Variants in HS3ST4 observed in about 807,000 individuals in gnomAD.
HS3ST4 encodes the protein heparan sulfate glucosamine 3-O-sulfotransferase 4.
In HS3ST4, 17 loss-of-function variants were observed where a neutral mutation model predicts 29.2. That is an observed-to-expected ratio of 0.58 (90% confidence interval 0.40 to 0.87). The LOEUF is 0.87. Ranked by LOEUF, HS3ST4 falls within the 40% of genes least tolerant of loss-of-function variation. The probability of loss-of-function intolerance (pLI) is 0.00; values close to 1 mark genes in which losing one functional copy is unlikely to be tolerated. For synonymous variants in HS3ST4, 314 were observed against 285.7 expected, an observed-to-expected ratio of 1.10 and a Z score of -1.00; for missense variants, 627 against 634.5, an observed-to-expected ratio of 0.99 and a Z score of 0.13.
At chr16:26,109,647 A>AGT (rs1391040481) in intron 1 of HS3ST4, among the ~76,000 whole-genome samples, 3 of 151,716 alleles carry the variant, frequency 2.0e-5, no homozygotes, top group Non-Finnish European at 4.4e-5. Flanking sequence ...TATACACTGC[A>AGT]GTGTACACGG....
At chr16:25,755,762 T>A (rs956756628) in intron 1 of HS3ST4, among the ~76,000 whole-genome samples, 1 of 152,216 alleles carries the variant, frequency 6.6e-6, no homozygotes, top group East Asian at 1.9e-4. Context: ...GGGCTGGCCA[T>A]CAAAGCAAAA....
At chr16:26,018,303 A>G (rs188649963) in intron 1 of HS3ST4, among the ~76,000 whole-genome samples, 1 of 152,208 alleles carries the variant, frequency 6.6e-6, no homozygotes, top group Non-Finnish European at 1.5e-5. Context: ...ACCAGGGTTT[A>G]TATCTTGTCA....
At chr16:26,002,673 GA>G (rs963003604) in intron 1 of HS3ST4, among the ~76,000 whole-genome samples, 3 of 120,456 alleles carry the variant, frequency 2.5e-5, no homozygotes, top group African/African-American at 9.4e-5. Flanking sequence ...GAGGGAAAGA[GA>G]AAGAGATAGA....
At chr16:25,969,141 A>G (rs1273018985) in intron 1 of HS3ST4, among the ~76,000 whole-genome samples, 1 of 152,198 alleles carries the variant, frequency 6.6e-6, no homozygotes, top group East Asian at 1.9e-4. Flanking sequence ...AATTGTCACT[A>G]CTAGTGATAG....
intron 1 of HS3ST4, among the ~76,000 whole-genome samples, chr16:26,040,332 T>C (rs962660677): frequency 4.0e-5 from 6 of 151,348 alleles, no homozygotes; most frequent in African/African-American, 1.5e-4. Context: ...GTTTCACTCT[T>C]GTCTCTTGTT....
chr16:25,854,705 T>A (rs8059143), intron 1 of HS3ST4, among the ~76,000 whole-genome samples: 94,188 of 151,400 alleles, frequency 0.62, 30,000 homozygotes, highest in African/African-American at 0.76. Flanking sequence ...AAGAGACTAC[T>A]TCTTGTGGCT....
intron 1 of HS3ST4, among the ~76,000 whole-genome samples, chr16:26,089,791 G>C (rs1025915983): frequency 5.3e-5 from 8 of 152,126 alleles, no homozygotes; most frequent in African/African-American, 1.7e-4. Context: ...ACATGGGCTC[G>C]TGGCCAGTGA....
At chr16:26,015,435 G>A (rs970705504) in intron 1 of HS3ST4, among the ~76,000 whole-genome samples, 1 of 152,228 alleles carries the variant, frequency 6.6e-6, no homozygotes, top group Non-Finnish European at 1.5e-5. Context: ...GCCAATATGT[G>A]TGTAGTGTTG....
chr16:25,843,624 C>T (rs906856398), intron 1 of HS3ST4, among the ~76,000 whole-genome samples: 4 of 152,150 alleles, frequency 2.6e-5, no homozygotes, highest in Admixed American at 1.3e-4. Context: ...GACCAACTAC[C>T]AAGGGAACTC....
intron 1 of HS3ST4, among the ~76,000 whole-genome samples, chr16:25,865,530 TAGAAC>T (rs1967685350): frequency 6.6e-6 from 1 of 152,190 alleles, no homozygotes. Flanking sequence ...GTCGAGCTGT[TAGAAC>T]AGAGCTAGAG....
chr16:26,038,689 T>TG (rs71158985), intron 1 of HS3ST4, among the ~76,000 whole-genome samples: 3 of 151,696 alleles, frequency 2.0e-5, no homozygotes, highest in Non-Finnish European at 2.9e-5. Context: ...TATGTATGTA[T>TG]TTATTTTTGA....
chr16:25,711,070 G>T (rs1966412073), intron 1 of HS3ST4, among the ~76,000 whole-genome samples: 1 of 151,894 alleles, frequency 6.6e-6, no homozygotes, highest in South Asian at 2.1e-4. Flanking sequence ...CGATCTTCTT[G>T]CCTCAGTCTC....
intron 1 of HS3ST4, among the ~76,000 whole-genome samples, chr16:26,067,590 G>A (rs1160732351): frequency 6.7e-6 from 1 of 149,288 alleles, no homozygotes; most frequent in Non-Finnish European, 1.5e-5. Flanking sequence ...TCCCAGGGTT[G>A]ATGTTAAATA....
intron 1 of HS3ST4, among the ~76,000 whole-genome samples, chr16:25,795,260 C>T (rs935535787): frequency 9.9e-5 from 15 of 151,950 alleles, no homozygotes; most frequent in Non-Finnish European, 1.6e-4. Flanking sequence ...CGTGAGCCAC[C>T]GCACCTGGCC....
intron 1 of HS3ST4, among the ~76,000 whole-genome samples, chr16:26,027,936 T>C (rs2141751562): frequency 6.6e-6 from 1 of 151,976 alleles, no homozygotes; most frequent in Non-Finnish European, 1.5e-5. Flanking sequence ...AAAGAAACAA[T>C]CTGGAAAACA....
chr16:25,961,597 G>A (rs923711125), intron 1 of HS3ST4, among the ~76,000 whole-genome samples: 1 of 152,154 alleles, frequency 6.6e-6, no homozygotes, highest in African/African-American at 2.4e-5. Flanking sequence ...TAACTATACA[G>A]AGTGGGTTCC....
At chr16:25,909,974 T>A (rs1329200913) in intron 1 of HS3ST4, among the ~76,000 whole-genome samples, 2 of 152,140 alleles carry the variant, frequency 1.3e-5, no homozygotes, top group Non-Finnish European at 2.9e-5. Context: ...AAAGTGATCC[T>A]CCCCACTTGG....
intron 1 of HS3ST4, among the ~76,000 whole-genome samples, chr16:25,998,986 G>T (rs1375603250): frequency 1.3e-5 from 2 of 151,998 alleles, no homozygotes; most frequent in Admixed American, 6.6e-5. Flanking sequence ...TTCTGAGAAG[G>T]TATGTTTTTT....
intron 1 of HS3ST4, among the ~76,000 whole-genome samples, chr16:25,986,346 AT>A (rs1432476824): frequency 6.6e-6 from 1 of 152,168 alleles, no homozygotes; most frequent in Non-Finnish European, 1.5e-5. Context: ...CAACACTTCT[AT>A]TAGGTTGGCT....
Sources: gnomAD v4.1 joint callset for allele counts (sites outside exome capture counted in the v4.1 genomes callset) on GRCh38, gnomAD v4.1.1 for gene constraint, MANE v1.5 for transcripts, NCBI Gene and HGNC (gene_info 2026-07-23, HGNC 2026-07-21) for gene names.